The following PTPRT variants were observed in gnomAD, a reference collection of about 807,000 sequenced individuals.
PTPRT encodes protein tyrosine phosphatase receptor type T.
In PTPRT, 56 loss-of-function variants were observed where a neutral mutation model predicts 176.8. The observed-to-expected ratio is 0.32, with a 90% CI of 0.26 to 0.40. The LOEUF is 0.40. PTPRT is among the 10% of genes least tolerant of loss of function. The pLI, the probability that PTPRT is intolerant of heterozygous loss-of-function variation, is 1.00. For missense variants in PTPRT, 1,540 were observed against 1,908.2 expected (o/e 0.81, Z 3.60); for synonymous variants, 783 against 739.0 (o/e 1.06, Z -0.96).
chr20:42,946,514 G>GACC (rs1482644034), intron 1 of PTPRT, among the ~76,000 whole-genome samples: 2 of 152,204 alleles, frequency 1.3e-5, no homozygotes, highest in African/African-American at 4.8e-5. Context: ...TGACCTCACT[G>GACC]TGGCATCAGC....
chr20:42,395,012 G>A (rs1288465669), intron 9 of PTPRT, among the ~76,000 whole-genome samples: 7 of 152,100 alleles, frequency 4.6e-5, no homozygotes, highest in South Asian at 2.1e-4. Flanking sequence ...TGCCTACTCC[G>A]AGTCTGCTGG....
chr20:42,812,681 A>G (rs775912983), intron 2 of PTPRT, among the ~76,000 whole-genome samples: 31 of 152,060 alleles, frequency 2.0e-4, no homozygotes, highest in Admixed American at 8.5e-4. Context: ...TTGAATCCCA[A>G]TTCTGTTATA....
intron 16 of PTPRT, among the ~76,000 whole-genome samples, chr20:42,162,252 C>T (rs563097746): frequency 5.9e-5 from 9 of 152,248 alleles, no homozygotes; most frequent in African/African-American, 1.9e-4. Flanking sequence ...AAGCCTGGGC[C>T]TCTTCCTTCA....
intron 16 of PTPRT, among the ~76,000 whole-genome samples, chr20:42,189,274 C>T (rs910917002): frequency 6.6e-6 from 1 of 152,170 alleles, no homozygotes; most frequent in Non-Finnish European, 1.5e-5. Context: ...AATCAAAATC[C>T]ATCTCCTTAC....
At chr20:42,700,722 C>T (rs1033965842) in intron 6 of PTPRT, among the ~76,000 whole-genome samples, 2 of 152,160 alleles carry the variant, frequency 1.3e-5, no homozygotes, top group Admixed American at 6.5e-5. Context: ...TTCTGTGTGG[C>T]CTGGGATAAG....
Position 42,081,066 on chromosome 20 carries a change from CT to C in PTPRT, c.4273-135del, listed in dbSNP as rs1316886119. On this transcript the variant is annotated intron_variant, in intron 30 of 30. Transcript: ENST00000373187. Reference sequence around the variant, plus strand: ...TTTTTCTATATCCATATTATGTCAACTCAAAATTACCCATATCTGGACATCC... The same window carrying C: ...TTTTTCTATATCCATATTATGTCAACCAAAATTACCCATATCTGGACATCC... 4.4e-6 allele frequency: 3 copies of C among 675,572 alleles called. No homozygotes were observed. In the Admixed American group the frequency reaches 7.6e-5, roughly 17 times the overall value. The allele number at this position is 675,572 out of a possible 1,614,324, so 41.8% of individuals were successfully genotyped here. A position where few individuals can be genotyped will look rare whatever the true frequency, so the allele number is the denominator to read the frequency against.
intron 13 of PTPRT, among the ~76,000 whole-genome samples, chr20:42,266,219 A>T (rs1043199580): frequency 6.6e-6 from 1 of 152,218 alleles, no homozygotes; most frequent in Non-Finnish European, 1.5e-5. Flanking sequence ...CCCAGTTTTA[A>T]GGAATGGAGT....
At chr20:42,999,510 C>T (rs1319238478) in intron 1 of PTPRT, among the ~76,000 whole-genome samples, 1 of 151,882 alleles carries the variant, frequency 6.6e-6, no homozygotes, top group Non-Finnish European at 1.5e-5. Context: ...AATCCTAACA[C>T]ATTGGGAGGC....
chr20:43,036,640 T>C (rs1986391881), intron 1 of PTPRT, among the ~76,000 whole-genome samples: 1 of 152,176 alleles, frequency 6.6e-6, no homozygotes. Context: ...TGAAGTTAGC[T>C]ATGAAAGGTT....
chr20:43,000,246 C>T (rs1442526643), intron 1 of PTPRT, among the ~76,000 whole-genome samples: 2 of 151,724 alleles, frequency 1.3e-5, no homozygotes, highest in South Asian at 2.1e-4. Flanking sequence ...ATAGGAGATT[C>T]GATGGTGCCA....
intron 7 of PTPRT, among the ~76,000 whole-genome samples, chr20:42,577,370 C>G (rs1423358190): frequency 6.6e-6 from 1 of 152,134 alleles, no homozygotes; most frequent in Non-Finnish European, 1.5e-5. Flanking sequence ...ATCGCAGAAG[C>G]CAGCATGAAA....
intron 1 of PTPRT, among the ~76,000 whole-genome samples, chr20:43,024,869 C>T (rs1834633257): frequency 6.6e-6 from 1 of 152,218 alleles, no homozygotes. Flanking sequence ...CCAGCCCACC[C>T]CTGGGAGAAC....
intron 15 of PTPRT, among the ~76,000 whole-genome samples, chr20:42,208,863 A>G (rs1052308721): frequency 1.3e-5 from 2 of 152,144 alleles, no homozygotes; most frequent in African/African-American, 4.8e-5. Flanking sequence ...ACCACACCAC[A>G]CCTATTCCAA....
intron 2 of PTPRT, among the ~76,000 whole-genome samples, chr20:42,830,536 C>A (rs1047943391): frequency 2.0e-5 from 3 of 152,154 alleles, no homozygotes; most frequent in African/African-American, 7.2e-5. Context: ...AAAACCAGTA[C>A]ACAACAGGGA....
intron 6 of PTPRT, among the ~76,000 whole-genome samples, chr20:42,725,980 T>C (rs1388382255): frequency 2.6e-5 from 4 of 151,806 alleles, no homozygotes; most frequent in African/African-American, 9.7e-5. Flanking sequence ...AATCCTTAAC[T>C]CCATCATACC....
chr20:42,446,802 GCTT>G (rs2070741358), intron 9 of PTPRT, among the ~76,000 whole-genome samples: 1 of 152,096 alleles, frequency 6.6e-6, no homozygotes, highest in South Asian at 2.1e-4. Flanking sequence ...CAGGAAGAAA[GCTT>G]CTCCCAAGCG....
chr20:42,169,047 T>C (rs755776761), intron 16 of PTPRT, among the ~76,000 whole-genome samples: 11 of 152,194 alleles, frequency 7.2e-5, no homozygotes, highest in Non-Finnish European at 1.3e-4. Flanking sequence ...TTACTTGGGA[T>C]AAAGCAAACC....
chr20:43,089,156 A>C (rs1042937321), intron 1 of PTPRT, among the ~76,000 whole-genome samples: 2 of 152,204 alleles, frequency 1.3e-5, no homozygotes, highest in Non-Finnish European at 2.9e-5. Flanking sequence ...GAGTAAGACT[A>C]TTATTATCCC....
At chr20:42,067,830 T>C (rs955736483), downstream of PTPRT, among the ~76,000 whole-genome samples, 12 of 152,182 alleles carry the variant, frequency 7.9e-5, no homozygotes, top group African/African-American at 2.9e-4. Context: ...TGATAGGCTA[T>C]TGTGCATAGC....
Sources: allele counts gnomAD v4.1 joint callset (sites outside exome capture counted in the v4.1 genomes callset), GRCh38; gene constraint gnomAD v4.1.1; transcripts MANE v1.5; gene names NCBI Gene and HGNC (gene_info 2026-07-23, HGNC 2026-07-21).